The following OSBPL7 variants were observed in gnomAD, a reference collection of about 807,000 sequenced individuals.
The protein encoded by OSBPL7 is oxysterol-binding protein-related protein 7.
In OSBPL7, 66 loss-of-function variants were observed where a neutral mutation model predicts 115.8. The ratio of observed to expected loss-of-function variants is 0.57; its 90% CI spans 0.47 to 0.70. The LOEUF is 0.70. OSBPL7 is among the 30% of genes least tolerant of loss of function. The probability of loss-of-function intolerance (pLI) is 0.00; values close to 1 mark genes in which losing one functional copy is unlikely to be tolerated. For missense variants in OSBPL7, 902 were observed against 1,125.5 expected (o/e 0.80, Z 2.84); for synonymous variants, 441 against 439.2 (o/e 1.00, Z -0.05).
At position 47,819,971 on chromosome 17, in the gene OSBPL7, C is replaced by T; in HGVS notation, c.201G>A (p.Lys67=). ...CCCTCCCTTTGCCTGCCCACCCTACCTTGTGCCAGCCCTTCAGAGGCCACT... is the reference window on the plus strand; with the variant it reads ...CCCTCCCTTTGCCTGCCCACCCTACTTTGTGCCAGCCCTTCAGAGGCCACT... ...KRKWPLKGWH[K]RYFVLEDGIL... Residue 67 remains lysine (K), a splice_region_variant and synonymous_variant, in exon 3 of 23, where the codon AAG becomes AAA. Coordinates refer to ENST00000007414, the MANE Select transcript of OSBPL7 (RefSeq NM_145798.3). 6.2e-7 allele frequency: 1 copy of T among 1,608,540 alleles called. No homozygotes were observed. Among genetic ancestry groups the T allele is most frequent in the Non-Finnish European group, 8.5e-7 (1 of 1,179,100 alleles).
At position 47,809,282 on chromosome 17, in the gene OSBPL7, A is replaced by G. The variant is rs375506119; in HGVS notation, c.2025+52T>C. ...CTCCCCCTTAGCCAGGGTGACCTCCAGAGACAGAGGCTGCCGGGGATGGAT... is the reference window on the plus strand; with the variant it reads ...CTCCCCCTTAGCCAGGGTGACCTCCGGAGACAGAGGCTGCCGGGGATGGAT... On this transcript the variant is annotated intron_variant, in intron 19 of 22. Coordinates refer to ENST00000007414, the MANE Select transcript of OSBPL7 (RefSeq NM_145798.3). 1.6e-5 allele frequency: 25 copies of G among 1,611,422 alleles called. No homozygotes were observed. In the African/African-American group the frequency reaches 3.2e-4, roughly 21 times the overall value.
Position 47,817,451 on chromosome 17 carries a change from G to A in OSBPL7, c.599-92C>T, listed in dbSNP as rs1278560672. 23 of 854,874 alleles carry A rather than the reference G, an allele frequency of 2.7e-5. 1 individual carries two copies. The highest frequency in any genetic ancestry group is 2.2e-4 in the South Asian group (14 of 63,064). 53.0% of individuals were successfully genotyped at this position (854,874 alleles called of 1,614,324 possible). On this transcript the variant is annotated intron_variant, in intron 7 of 22. Transcript: ENST00000007414. ...GTTGCCCAGGCTAGAGTGGAATGGC[G>A]TGATCTCGGCTCACTGCAACCTCTG...
Position 47,817,258 on chromosome 17 carries a change from G to C in OSBPL7, c.700C>G (p.Gln234Glu), listed in dbSNP as rs1272530505. 1.1e-5 allele frequency: 18 copies of C among 1,591,538 alleles called. No homozygotes were observed. The highest frequency in any genetic ancestry group is 1.4e-5 in the Non-Finnish European group (17 of 1,173,520). Residue 234 changes from glutamine to glutamate, a missense_variant and splice_region_variant, in exon 8 of 23, where the codon CAG becomes GAG. This residue lies in a region of OSBPL7 where 667 missense variants were observed against 788.7 expected (regional missense o/e 0.85). Coordinates refer to ENST00000007414, the MANE Select transcript of OSBPL7 (RefSeq NM_145798.3). ...IPSAPVIPTHQASVTTERPKK... is the reference protein window; with the variant it reads ...IPSAPVIPTHEASVTTERPKK... ...CTGTGTGTACCCCTGGATCTTACCT[G>C]GTGTGTGGGGATAACAGGGGCTGAG...
chr17:47,816,506 C>G lies in OSBPL7; in HGVS notation c.929-24G>C. On this transcript the variant is annotated intron_variant, in intron 10 of 22. Transcript: ENST00000007414. The surrounding 1 kb of genome is among the most constrained non-coding windows in gnomAD (Gnocchi z 5.8). ...CACTACAGGGAGTGGGGCAGACCAT[C>G]AGAGTCCTCGCTCGCTCCTGTCCGC... 6.4e-7 allele frequency: 1 copy of G among 1,558,922 alleles called. No homozygotes were observed. The highest frequency in any genetic ancestry group is 8.7e-7 in the Non-Finnish European group (1 of 1,151,490).
At chr17:47,810,209 G>C (rs1387352904) in intron 18 of OSBPL7, among the ~76,000 whole-genome samples, 1 of 151,994 alleles carries the variant, frequency 6.6e-6, no homozygotes, top group Non-Finnish European at 1.5e-5. Flanking sequence ...AGCTAGATGA[G>C]AGTTTTTCAA....
At position 47,808,276 on chromosome 17, in the gene OSBPL7, C is replaced by A; in HGVS notation, c.*15G>T. ...AGGAGTGAGGAACCAGAGCCTCCTGCCCCCGGGGCCAGGGCTACCAGAGCA... is the reference window on the plus strand; with the variant it reads ...AGGAGTGAGGAACCAGAGCCTCCTGACCCCGGGGCCAGGGCTACCAGAGCA... On this transcript the variant is annotated 3_prime_UTR_variant, in exon 23 of 23. Transcript: ENST00000007414. The surrounding 1 kb of genome is among the most constrained non-coding windows in gnomAD (Gnocchi z 6.1). The A allele has an allele frequency of 2.5e-6, 4 of 1,580,634 alleles. No homozygotes were observed. The highest frequency in any genetic ancestry group is 3.5e-6 in the Non-Finnish European group (4 of 1,151,368).
chr17:47,808,531 G>T lies in OSBPL7; in HGVS notation c.2420+7C>A. The T allele has an allele frequency of 6.2e-7, 1 of 1,614,190 alleles. No individual in the cohort carries two copies. The highest frequency in any genetic ancestry group is 1.1e-5 in the South Asian group (1 of 91,086). On this transcript the variant is annotated splice_region_variant and intron_variant, in intron 22 of 22. Coordinates refer to ENST00000007414, the MANE Select transcript of OSBPL7 (RefSeq NM_145798.3). The surrounding 1 kb of genome is among the most constrained non-coding windows in gnomAD (Gnocchi z 6.1). Reference sequence around the variant, plus strand: ...GAGACCCAGGGCGGAGGGCGAGGCCGAGGCACCTGAAGAAGCGAGCCTGGT... The same window carrying T: ...GAGACCCAGGGCGGAGGGCGAGGCCTAGGCACCTGAAGAAGCGAGCCTGGT...
chr17:47,816,965 C>T lies in OSBPL7; in HGVS notation c.703-93G>A, dbSNP rs1480819878. On this transcript the variant is annotated intron_variant, in intron 8 of 22. Coordinates refer to ENST00000007414, the MANE Select transcript of OSBPL7 (RefSeq NM_145798.3). This position sits in a 1 kb window ranked among gnomAD's most constrained non-coding sequence, Gnocchi z 5.8. ...TGGGAGAGGTAGACGGCCTCCTGCG[C>T]CATGGAGGAGGGCGCAGATTACCCA... The T allele has an allele frequency of 1.6e-6, 2 of 1,256,800 alleles. No individual in the cohort carries two copies. The highest frequency in any genetic ancestry group is 2.9e-5 in the African/African-American group (2 of 67,896). The allele number at this position is 1,256,800 out of a possible 1,614,324, so 77.9% of individuals were successfully genotyped here.
chr17:47,818,931 C>T, intron 5 of OSBPL7, 55 bp downstream of exon 5: 1 of 1,462,264 alleles, frequency 6.8e-7, no homozygotes, highest in South Asian at 1.1e-5. Flanking sequence ...CTGTGTGTTC[C>T]AATGCCTCTG....
At chr17:47,810,206 T>C (rs2032996891) in intron 18 of OSBPL7, among the ~76,000 whole-genome samples, 1 of 152,216 alleles carries the variant, frequency 6.6e-6, no homozygotes, top group African/African-American at 2.4e-5. Context: ...ATTAGCTAGA[T>C]GAGAGTTTTT....
In OSBPL7 at chr17:47,808,700, CA is replaced by C. The variant is rs772710566; in HGVS notation, c.2298-41del. On this transcript the variant is annotated intron_variant, in intron 21 of 22. Transcript: ENST00000007414. This position sits in a 1 kb window ranked among gnomAD's most constrained non-coding sequence, Gnocchi z 6.1. ...CAAACTCAGGGGAACTGCCCATCTG[CA>C]GGGGCCCCCAAACCCAAGGCCTCTG... 4 of 1,611,944 alleles carry C rather than the reference CA, an allele frequency of 2.5e-6. No homozygotes were observed. Among genetic ancestry groups the C allele is most frequent in the Non-Finnish European group, 3.4e-6 (4 of 1,178,820 alleles).
Position 47,816,536 on chromosome 17 carries a change from C to T in OSBPL7, c.928+27G>A. On this transcript the variant is annotated intron_variant, in intron 10 of 22. Transcript: ENST00000007414. This position sits in a 1 kb window ranked among gnomAD's most constrained non-coding sequence, Gnocchi z 5.8. ...TCCTCGCTCGCTCCTGTCCGCTCCC[C>T]ACCAGCCCCTCCCAGCAGGCACTTA... is the stretch of plus-strand genomic sequence containing the variant. The T allele has an allele frequency of 6.3e-7, 1 of 1,596,352 alleles. No homozygotes were observed. Among genetic ancestry groups the T allele is most frequent in the East Asian group, 2.3e-5 (1 of 44,028 alleles).
At position 47,808,075 on chromosome 17, in the gene OSBPL7, TG is replaced by T; in HGVS notation, c.*215del. 1.7e-6 allele frequency: 1 copy of T among 579,838 alleles called. No homozygotes were observed. 35.9% of individuals were successfully genotyped at this position (579,838 alleles called of 1,614,324 possible). On this transcript the variant is annotated 3_prime_UTR_variant, in exon 23 of 23. Coordinates refer to ENST00000007414, the MANE Select transcript of OSBPL7 (RefSeq NM_145798.3). The surrounding 1 kb of genome is among the most constrained non-coding windows in gnomAD (Gnocchi z 6.1). ...TGCTGGTTGTCTGGGGCAAGGAGACTGGGGAAGCACAGATTCTGCTTCTCAC... is the reference window on the plus strand; with the variant it reads ...TGCTGGTTGTCTGGGGCAAGGAGACTGGGAAGCACAGATTCTGCTTCTCAC...
chr17:47,818,154 A>G, intron 7 of OSBPL7, 115 bp downstream of exon 7: 1 of 868,182 alleles, frequency 1.2e-6, no homozygotes, highest in Non-Finnish European at 1.8e-6. Flanking sequence ...TTGGAGGCAG[A>G]GGCTGTCTCA....
chr17:47,811,652 C>G (rs1323077633), intron 16 of OSBPL7, among the ~76,000 whole-genome samples: 1 of 152,224 alleles, frequency 6.6e-6, no homozygotes, highest in East Asian at 1.9e-4. Context: ...CCCTTCGAAC[C>G]TCATTCGCCT....
intron 14 of OSBPL7, 29 bp from the exon 15 acceptor site, chr17:47,813,863 A>G: frequency 6.3e-7 from 1 of 1,584,368 alleles, no homozygotes. Context: ...GTCACTCTCC[A>G]TCTGGGCACC....
rs1379384940 is a variant in OSBPL7 at position 47,807,550 on chromosome 17, G to T, written c.*741C>A. On this transcript the variant is annotated 3_prime_UTR_variant, in exon 23 of 23. Coordinates refer to ENST00000007414, the MANE Select transcript of OSBPL7 (RefSeq NM_145798.3). ...CGCACACGCATACACTCTCCTACAT[G>T]AACTTACACTCACACCTGCGCACTC... 1 of 152,742 alleles carries T rather than the reference G, an allele frequency of 6.5e-6. No homozygotes were observed. The highest frequency in any genetic ancestry group is 1.5e-5 in the Non-Finnish European group (1 of 68,314). The allele number at this position is 152,742 out of a possible 1,614,324, so 9.5% of individuals were successfully genotyped here. A position where few individuals can be genotyped will look rare whatever the true frequency, so the allele number is the denominator to read the frequency against.
chr17:47,814,032 C>T (rs1428896893), intron 14 of OSBPL7, among the ~76,000 whole-genome samples, 198 bp from the exon 15 acceptor site: 2 of 152,202 alleles, frequency 1.3e-5, no homozygotes, highest in African/African-American at 2.4e-5. Flanking sequence ...AGTTGGCTGG[C>T]AGGGGTGGGA....
rs541254464 is a variant in OSBPL7, at chr17:47,809,487, G to C, written c.1881-9C>G. ...CAAAGTGGTCCCCAAACCTGAGAAAGACAAGGTATGGAAGGGCAGCTGGCT... is the reference window on the plus strand; with the variant it reads ...CAAAGTGGTCCCCAAACCTGAGAAACACAAGGTATGGAAGGGCAGCTGGCT... On this transcript the variant is annotated splice_polypyrimidine_tract_variant and intron_variant, in intron 18 of 22. Coordinates refer to ENST00000007414, the MANE Select transcript of OSBPL7 (RefSeq NM_145798.3). The C allele has an allele frequency of 1.2e-6, 2 of 1,609,156 alleles. No individual in the cohort carries two copies. The highest frequency in any genetic ancestry group is 1.7e-5 in the Admixed American group (1 of 59,962).
Sources: gnomAD v4.1 joint callset for allele counts (sites outside exome capture counted in the v4.1 genomes callset) on GRCh38, gnomAD v4.1.1 for gene constraint, gnomAD v4.1.1 regional missense constraint, Gnocchi (gnomAD v3.1) non-coding constraint, MANE v1.5 for transcripts, NCBI Gene and HGNC (gene_info 2026-07-23, HGNC 2026-07-21) for gene names.